TMEM132A: variants seen among roughly 807,000 people sequenced by gnomAD.
The protein encoded by TMEM132A is transmembrane protein 132A, also known as GRP78-binding protein.
In TMEM132A, 48 loss-of-function variants were observed where a neutral mutation model predicts 69.9. The observed-to-expected ratio is 0.69, with a 90% CI of 0.55 to 0.87. The LOEUF (loss-of-function observed/expected upper bound fraction) is 0.87, where lower values mean the gene tolerates loss of function less well. Ranked by LOEUF, TMEM132A falls within the 40% of genes least tolerant of loss-of-function variation. The probability of loss-of-function intolerance (pLI) is 0.00; values close to 1 mark genes in which losing one functional copy is unlikely to be tolerated. For synonymous variants in TMEM132A, 577 were observed against 613.7 expected, an observed-to-expected ratio of 0.94 and a Z score of 0.88; for missense variants, 1,287 against 1,407.2, an observed-to-expected ratio of 0.91 and a Z score of 1.37.
chr11:60,935,595 G>C lies in TMEM132A; in HGVS notation c.2028+152G>C. 1.1e-6 allele frequency: 1 copy of C among 907,722 alleles called. No individual in the cohort carries two copies. The allele number at this position is 907,722 out of a possible 1,614,324, so 56.2% of individuals were successfully genotyped here. A position where few individuals can be genotyped will look rare whatever the true frequency, so the allele number is the denominator to read the frequency against. On this transcript the variant is annotated intron_variant, in intron 10 of 10. Transcript: ENST00000453848. The surrounding 1 kb of genome is among the most constrained non-coding windows in gnomAD (Gnocchi z 5.0). ...GTGAGGTAGTGAGCTCTCTGCAGCT[G>C]GAGGTGATCAAGCAGTGGCTGGAGT...
At position 60,936,039 on chromosome 11, in the gene TMEM132A, G is replaced by T. The variant is rs1856589242; in HGVS notation, c.2204G>T (p.Gly735Val). The T allele has an allele frequency of 6.2e-7, 1 of 1,602,066 alleles. No individual in the cohort carries two copies. Among genetic ancestry groups the T allele is most frequent in the African/African-American group, 1.3e-5 (1 of 74,696 alleles). The change falls in exon 11 of 11, where the codon GGG (glycine) becomes GTG (valine). Residue 735 changes from glycine to valine, a missense_variant. By Grantham distance (109) the Gly-to-Val change is moderately radical. Transcript: ENST00000453848. ...GTGGTGAGTGGGGCAGGCGCCGAGG[G>T]GCTGCCGCTGCATGTGGCTCTGCAC... ...GVVVSGAGAE[G>V]LPLHVALHPP...
intron 4 of TMEM132A, among the ~76,000 whole-genome samples, chr11:60,930,149 G>T (rs73493066): frequency 2.4e-4 from 36 of 152,204 alleles, no homozygotes; most frequent in Admixed American, 3.9e-4. Context: ...CTGGGCAAAG[G>T]CTTGGAGTCA....
At chr11:60,933,891 C>A in intron 8 of TMEM132A, 147 bp downstream of exon 8, 1 of 703,972 alleles carries the variant, frequency 1.4e-6, no homozygotes, top group Non-Finnish European at 2.3e-6. Flanking sequence ...CACCCTGGGC[C>A]GCCCAGCCAA....
In TMEM132A at chr11:60,924,591, G is replaced by T. The variant is rs1318596726; in HGVS notation, c.-43G>T. ...GCGGGAGATGCCGTGCGGGACTGGG[G>T]CCACCTGAGCCGCCCGCCTCGTCCC... On this transcript the variant is annotated 5_prime_UTR_variant, in exon 1 of 11. Coordinates refer to ENST00000453848, the MANE Select transcript of TMEM132A (RefSeq NM_178031.3). 6.6e-7 allele frequency: 1 copy of T among 1,511,526 alleles called. No homozygotes were observed. The highest frequency in any genetic ancestry group is 8.9e-7 in the Non-Finnish European group (1 of 1,121,418). 93.6% of individuals were successfully genotyped at this position (1,511,526 alleles called of 1,614,324 possible).
intron 8 of TMEM132A, chr11:60,934,099 T>G: frequency 2.6e-6 from 1 of 378,782 alleles, no homozygotes. Flanking sequence ...CCTCAGAGCC[T>G]AAGATGACAC....
chr11:60,932,961 C>G (rs1856512720), intron 7 of TMEM132A: 1 of 152,274 alleles, frequency 6.6e-6, no homozygotes, highest in African/African-American at 2.4e-5. Flanking sequence ...CACCCCTGCT[C>G]TGCCAGGAGG....
intron 2 of TMEM132A, 108 bp downstream of exon 2, chr11:60,927,526 C>T: frequency 2.1e-6 from 3 of 1,407,876 alleles, no homozygotes; most frequent in South Asian, 2.6e-5. Flanking sequence ...CCCCATATTC[C>T]AGAGGGGGAA....
intron 4 of TMEM132A, 77 bp from the exon 5 acceptor site, chr11:60,930,433 T>C (rs4939480): frequency 0.42 from 625,066 of 1,477,114 alleles, 133,388 homozygotes; most frequent in Middle Eastern, 0.47. Context: ...TGGCTTTGGC[T>C]CCTTGTCTTT....
At position 60,927,650 on chromosome 11, in the gene TMEM132A, C is replaced by T; in HGVS notation, c.325C>T (p.Pro109Ser). Residue 109 changes from proline (P) to serine (S), a missense_variant, in exon 3 of 11, where the codon CCT (proline) becomes TCT (serine). By Grantham distance (74) the Pro-to-Ser change is moderately conservative. Coordinates refer to ENST00000453848, the MANE Select transcript of TMEM132A (RefSeq NM_178031.3). ...CTCATTCTCCCTCCAGGTGGTCCCC[C>T]CTCGAGTCACTGAGCCCCACCAACG... Reference protein sequence around the residue: ...PPFATQQVVPPRVTEPHQRPV... With the variant: ...PPFATQQVVPSRVTEPHQRPV... 1 of 1,611,072 alleles carries T rather than the reference C, an allele frequency of 6.2e-7. No individual in the cohort carries two copies. The highest frequency in any genetic ancestry group is 1.1e-5 in the South Asian group (1 of 91,012).
chr11:60,930,240 G>T (rs900967668), intron 4 of TMEM132A, among the ~76,000 whole-genome samples: 10 of 152,166 alleles, frequency 6.6e-5, no homozygotes, highest in African/African-American at 2.2e-4. Context: ...CCGAAGTTAA[G>T]GCTGGACCAG....
Position 60,924,736 on chromosome 11 carries a change from C to G in TMEM132A, c.100+3C>G, listed in dbSNP as rs765299483. The G allele has an allele frequency of 5.1e-6, 8 of 1,555,970 alleles. No individual in the cohort carries two copies. The Admixed American group carries it at 1.3e-4, about 24-fold the overall frequency. ...CCTCGCCCTGGACGTCGTGAGAGGTCAGCGGGAGGGGAGGGCCGGGGCGAG... is the reference window on the plus strand; with the variant it reads ...CCTCGCCCTGGACGTCGTGAGAGGTGAGCGGGAGGGGAGGGCCGGGGCGAG... On this transcript the variant is annotated splice_donor_region_variant and intron_variant, in intron 1 of 10. Transcript: ENST00000453848.
At chr11:60,934,428 C>G in intron 8 of TMEM132A, 60 bp from the exon 9 acceptor site, 7 of 1,306,294 alleles carry the variant, frequency 5.4e-6, no homozygotes, top group Non-Finnish European at 4.9e-6. Flanking sequence ...AGCAGCTGGG[C>G]CCTGGGCAGG....
At position 60,936,594 on chromosome 11, in the gene TMEM132A, AG is replaced by A; in HGVS notation, c.2763del (p.Ser922AlafsTer42). On this transcript the variant is annotated frameshift_variant, in exon 11 of 11. Coordinates refer to ENST00000453848, the MANE Select transcript of TMEM132A (RefSeq NM_178031.3). LOFTEE classifies it low-confidence loss of function (END_TRUNC). ...DRQSPGPPKG[E>X]GSCPCESGGG... ...CAGTCCCCTGGCCCGCCCAAGGGGG[AG>A]GGGAGCTGCCCCTGTGAGAGTGGGG... 6.3e-7 allele frequency: 1 copy of A among 1,592,940 alleles called. No homozygotes were observed.
In TMEM132A at chr11:60,935,825, G is replaced by A; in HGVS notation, c.2029-39G>A. The A allele has an allele frequency of 1.2e-6, 2 of 1,602,148 alleles. No homozygotes were observed. The highest frequency in any genetic ancestry group is 1.7e-6 in the Non-Finnish European group (2 of 1,175,310). The stretch of plus-strand genomic sequence containing the variant: ...GTGGTTTCTCTGTGCATGCGTGCGT[G>A]CCCTCGCATGTCTCTGCCTGTGTCT... On this transcript the variant is annotated intron_variant, in intron 10 of 10. Coordinates refer to ENST00000453848, the MANE Select transcript of TMEM132A (RefSeq NM_178031.3). The surrounding 1 kb of genome is among the most constrained non-coding windows in gnomAD (Gnocchi z 5.0).
Position 60,928,784 on chromosome 11 carries a change from G to A in TMEM132A, c.690G>A (p.Gln230=). 6.2e-7 allele frequency: 1 copy of A among 1,610,232 alleles called. No individual in the cohort carries two copies. Among genetic ancestry groups the A allele is most frequent in the Non-Finnish European group, 8.5e-7 (1 of 1,179,076 alleles). The stretch of plus-strand genomic sequence containing the variant: ...GCGAGGAGAACGACCCTGGGGAGCA[G>A]GCCCTCCCAGTGGGGGGTGTGGAGC... ...GSGEENDPGE[Q]ALPVGGVELR... Residue 230 remains glutamine, a synonymous_variant, in exon 4 of 11, where the codon CAG becomes CAA. Transcript: ENST00000453848.
chr11:60,932,717 T>G (rs988317229), intron 7 of TMEM132A: 2 of 152,192 alleles, frequency 1.3e-5, no homozygotes, highest in Non-Finnish European at 2.9e-5. Flanking sequence ...ATCTTGAAGT[T>G]CTAAGAGGGG....
rs564670593 is a variant in TMEM132A at position 60,935,053 on chromosome 11, G to A, written c.1837-199G>A. ...TGGGATTGGGGTCCAGGTATGCACC[G>A]GGGTGCAAAGAGTAGAGGGATAGTA... On this transcript the variant is annotated intron_variant, in intron 9 of 10. Transcript: ENST00000453848. The surrounding 1 kb of genome is among the most constrained non-coding windows in gnomAD (Gnocchi z 5.0). Among the ~76,000 whole-genome samples the A allele has an allele frequency of 1.4e-4, 22 of 152,268 alleles. No homozygotes were observed. Among genetic ancestry groups the A allele is most frequent in the African/African-American group, 4.6e-4 (19 of 41,548 alleles).
At chr11:60,925,112 T>G in intron 1 of TMEM132A, 2 of 167,890 alleles carry the variant, frequency 1.2e-5, no homozygotes, top group Non-Finnish European at 1.3e-5. Flanking sequence ...CCTAGCCTCC[T>G]TCCGCCGCCA....
Position 60,928,812 on chromosome 11 carries a change from C to A in TMEM132A, c.718C>A (p.Arg240Ser). 1 of 1,611,512 alleles carries A rather than the reference C, an allele frequency of 6.2e-7. No individual in the cohort carries two copies. The highest frequency in any genetic ancestry group is 1.1e-5 in the South Asian group (1 of 90,976). Residue 240 changes from arginine (R) to serine (S), a missense_variant, in exon 4 of 11, where the codon CGC (arginine) becomes AGC (serine). Physicochemically the swap from Arg to Ser is moderately radical, Grantham distance 110. Coordinates refer to ENST00000453848, the MANE Select transcript of TMEM132A (RefSeq NM_178031.3). ...QALPVGGVEL[R>S]PADPPQYQEV... is the part of the protein sequence containing the mutation. ...CCTCCCAGTGGGGGGTGTGGAGCTG[C>A]GCCCAGCAGACCCCCCGCAGTACCA...
Sources: gnomAD v4.1 joint callset for allele counts (sites outside exome capture counted in the v4.1 genomes callset) on GRCh38, gnomAD v4.1.1 for gene constraint, Gnocchi (gnomAD v3.1) non-coding constraint, MANE v1.5 for transcripts, NCBI Gene and HGNC (gene_info 2026-07-23, HGNC 2026-07-21) for gene names.